MPDZ: variants seen among roughly 807,000 people sequenced by gnomAD.
The protein encoded by MPDZ is multiple PDZ domain protein.
MPDZ carries 234 observed loss-of-function variants against 239.1 expected under a neutral mutation model. The observed-to-expected ratio is 0.98, with a 90% CI of 0.88 to 1.09. The LOEUF is 1.09. Among genes scored for constraint, MPDZ ranks in the 50% least tolerant of loss-of-function variants. MPDZ has a pLI of 0.00. For synonymous variants in MPDZ, 1,048 were observed against 881.3 expected, an observed-to-expected ratio of 1.19 and a Z score of -3.35; for missense variants, 3,175 against 2,510.0, an observed-to-expected ratio of 1.26 and a Z score of -5.66.
chr9:13,117,455 C>T (rs940608643), intron 39 of MPDZ, among the ~76,000 whole-genome samples: 3 of 150,068 alleles, frequency 2.0e-5, no homozygotes, highest in African/African-American at 4.9e-5. Flanking sequence ...GGCGTGAACC[C>T]GGGAGGCGGA....
At chr9:13,236,751 C>T (rs1004112465) in intron 3 of MPDZ, among the ~76,000 whole-genome samples, 3 of 151,848 alleles carry the variant, frequency 2.0e-5, no homozygotes, top group Admixed American at 1.3e-4. Flanking sequence ...GAAGTTAAAA[C>T]ATAGTTTTGT....
chr9:13,106,914 T>C lies in MPDZ; in HGVS notation c.*51A>G, dbSNP rs1941544474. Reference sequence around the variant, plus strand: ...ATTGTCAGGACCAGTGCATTCTCTTTACAGTAGGAGGTGAGCTAGGGGTTG... The same window carrying C: ...ATTGTCAGGACCAGTGCATTCTCTTCACAGTAGGAGGTGAGCTAGGGGTTG... On this transcript the variant is annotated 3_prime_UTR_variant, in exon 47 of 47. Coordinates refer to ENST00000319217, the MANE Select transcript of MPDZ (RefSeq NM_001378778.1). 15 of 1,597,662 alleles carry C rather than the reference T, an allele frequency of 9.4e-6. No individual in the cohort carries two copies. Among genetic ancestry groups the C allele is most frequent in the African/African-American group, 1.3e-5 (1 of 74,716 alleles).
rs1946877905 is a variant in MPDZ, at chr9:13,136,756, T to C, written c.4248A>G (p.Ser1416=). The C allele has an allele frequency of 6.2e-7, 1 of 1,603,804 alleles. No homozygotes were observed. Among genetic ancestry groups the C allele is most frequent in the African/African-American group, 1.3e-5 (1 of 74,790 alleles). Residue 1416 remains serine, a synonymous_variant, in exon 30 of 47, where the codon TCA becomes TCG. Coordinates refer to ENST00000319217, the MANE Select transcript of MPDZ (RefSeq NM_001378778.1). ...CTTTAGAAGGGGCACATTTAATGATTGATGAGGCATTCTGATGACTTCTTC... is the reference window on the plus strand; with the variant it reads ...CTTTAGAAGGGGCACATTTAATGATCGATGAGGCATTCTGATGACTTCTTC... The part of the protein sequence containing the change: ...LYGRSHQNAS[S]IIKCAPSKVK...
At chr9:13,144,166 C>T (rs1263754774) in intron 26 of MPDZ, among the ~76,000 whole-genome samples, 1 of 151,860 alleles carries the variant, frequency 6.6e-6, no homozygotes, top group Non-Finnish European at 1.5e-5. Context: ...GAGTGGTGTT[C>T]TCTATTTCTG....
intron 35 of MPDZ, among the ~76,000 whole-genome samples, chr9:13,123,688 T>C (rs1285798888): frequency 1.3e-5 from 2 of 152,174 alleles, no homozygotes; most frequent in Non-Finnish European, 2.9e-5. Flanking sequence ...TTAAAAGATT[T>C]ATAGAACTCA....
At chr9:13,248,784 A>G (rs1370824387) in intron 2 of MPDZ, among the ~76,000 whole-genome samples, 1 of 151,354 alleles carries the variant, frequency 6.6e-6, no homozygotes, top group Non-Finnish European at 1.5e-5. Flanking sequence ...CCTGGCCAAC[A>G]TGGTAAAACC....
chr9:13,272,820 G>A (rs144971383), intron 1 of MPDZ, among the ~76,000 whole-genome samples: 1 of 152,102 alleles, frequency 6.6e-6, no homozygotes, highest in African/African-American at 2.4e-5. Flanking sequence ...AGAAGCCGAG[G>A]AGGAAATACA....
At chr9:13,188,203 A>T (rs904822372) in intron 17 of MPDZ, among the ~76,000 whole-genome samples, 1 of 152,150 alleles carries the variant, frequency 6.6e-6, no homozygotes, top group Non-Finnish European at 1.5e-5. Context: ...TTTTGCATTA[A>T]TCATGACCTT....
chr9:13,176,907 A>G (rs756290338), intron 19 of MPDZ, among the ~76,000 whole-genome samples: 3 of 152,166 alleles, frequency 2.0e-5, no homozygotes, highest in Admixed American at 1.3e-4. Flanking sequence ...ATAGGCATTT[A>G]TAAGTATTTA....
intron 26 of MPDZ, among the ~76,000 whole-genome samples, chr9:13,145,039 C>G (rs180807330): frequency 6.6e-6 from 1 of 152,104 alleles, no homozygotes; most frequent in East Asian, 1.9e-4. Flanking sequence ...AAAGAAAGCT[C>G]TAGTTTTTAA....
Position 13,223,567 on chromosome 9 carries a change from T to C in MPDZ, c.533+4A>G. 2 of 1,603,720 alleles carry C rather than the reference T, an allele frequency of 1.2e-6. No homozygotes were observed. Among genetic ancestry groups the C allele is most frequent in the Non-Finnish European group, 1.7e-6 (2 of 1,175,430 alleles). On this transcript the variant is annotated splice_donor_region_variant and intron_variant, in intron 5 of 46. Transcript: ENST00000319217. ...AAACAAAGAAGACGCCGCGACCATCTCACCTATGGGCCACACTGCCCTCTT... is the reference window on the plus strand; with the variant it reads ...AAACAAAGAAGACGCCGCGACCATCCCACCTATGGGCCACACTGCCCTCTT...
chr9:13,119,652 A>G lies in MPDZ; in HGVS notation c.5232-3T>C. Reference sequence around the variant, plus strand: ...ACACAAATACTCCAGTATCGTTTCTACACACAATTTTGAATTTCAACATTA... The same window carrying G: ...ACACAAATACTCCAGTATCGTTTCTGCACACAATTTTGAATTTCAACATTA... On this transcript the variant is annotated splice_region_variant and splice_polypyrimidine_tract_variant and intron_variant, in intron 38 of 46. Transcript: ENST00000319217. The G allele has an allele frequency of 1.2e-6, 2 of 1,613,938 alleles. No homozygotes were observed. Among genetic ancestry groups the G allele is most frequent in the Non-Finnish European group, 1.7e-6 (2 of 1,179,850 alleles).
At chr9:13,205,450 T>G (rs1226235551) in intron 11 of MPDZ, among the ~76,000 whole-genome samples, 3 of 152,146 alleles carry the variant, frequency 2.0e-5, no homozygotes, top group Non-Finnish European at 2.9e-5. Context: ...TGCAGACATA[T>G]TCATGTACAA....
At chr9:13,153,022 C>G (rs1478457967) in intron 24 of MPDZ, among the ~76,000 whole-genome samples, 1 of 151,988 alleles carries the variant, frequency 6.6e-6, no homozygotes, top group Non-Finnish European at 1.5e-5. Context: ...CCATGCTGCA[C>G]AAAGGAAGAC....
intron 24 of MPDZ, among the ~76,000 whole-genome samples, chr9:13,154,715 T>C (rs540937766): frequency 3.2e-4 from 48 of 152,282 alleles, no homozygotes; most frequent in African/African-American, 1.1e-3. Context: ...GAAAGCAAGA[T>C]ATGAAACTGA....
chr9:13,254,458 A>C (rs1394338358), intron 1 of MPDZ, among the ~76,000 whole-genome samples: 1 of 152,222 alleles, frequency 6.6e-6, no homozygotes, highest in Non-Finnish European at 1.5e-5. Flanking sequence ...AATTAAGAAT[A>C]CACAGTATAT....
intron 1 of MPDZ, among the ~76,000 whole-genome samples, chr9:13,255,423 C>G (rs1969202291): frequency 6.6e-6 from 1 of 152,154 alleles, no homozygotes; most frequent in Non-Finnish European, 1.5e-5. Flanking sequence ...AGTAGTGAAT[C>G]CTTTCCAAAA....
Position 13,262,984 on chromosome 9 carries a change from C to T in MPDZ, c.-57-12612G>A, listed in dbSNP as rs115214062. ...GGAGTGGACAAATGGAAGGAGTAGC[C>T]GCATACGGGGGGACTCAATGGGGGA... is the stretch of plus-strand genomic sequence containing the variant. On this transcript the variant is annotated intron_variant, in intron 1 of 46. Transcript: ENST00000319217. Among the ~76,000 whole-genome samples, 841 of 152,046 alleles carry T rather than the reference C, an allele frequency of 5.5e-3. 6 individuals carry two copies. Among genetic ancestry groups the T allele is most frequent in the African/African-American group, 0.018 (751 of 41,460 alleles).
intron 1 of MPDZ, among the ~76,000 whole-genome samples, chr9:13,259,994 C>A (rs377085356): frequency 2.0e-5 from 3 of 151,436 alleles, no homozygotes; most frequent in Non-Finnish European, 4.4e-5. Context: ...CCACCACGCC[C>A]GGCTAATTTT....
Sources: allele counts gnomAD v4.1 joint callset (sites outside exome capture counted in the v4.1 genomes callset), GRCh38; gene constraint gnomAD v4.1.1; transcripts MANE v1.5; gene names NCBI Gene and HGNC (gene_info 2026-07-23, HGNC 2026-07-21).